Variants in ARAP2 observed in about 807,000 individuals in gnomAD.
ARAP2 encodes ArfGAP with RhoGAP domain, ankyrin repeat and PH domain 2.
A neutral mutation model predicts 194.5 loss-of-function variants in ARAP2; 148 were observed. The ratio of observed to expected loss-of-function variants is 0.76; its 90% CI spans 0.67 to 0.87. The LOEUF (loss-of-function observed/expected upper bound fraction) is 0.87, where lower values mean the gene tolerates loss of function less well. ARAP2 is among the 40% of genes least tolerant of loss of function. The pLI, the probability that ARAP2 is intolerant of heterozygous loss-of-function variation, is 0.00. For synonymous variants in ARAP2, 695 were observed against 683.5 expected, an observed-to-expected ratio of 1.02 and a Z score of -0.26; for missense variants, 2,128 against 1,989.7, an observed-to-expected ratio of 1.07 and a Z score of -1.32.
At chr4:36,210,096 G>A (rs1746406916) in intron 6 of ARAP2, among the ~76,000 whole-genome samples, 1 of 152,132 alleles carries the variant, frequency 6.6e-6, no homozygotes, top group South Asian at 2.1e-4. Flanking sequence ...ACACAGATTA[G>A]CACATTTTGA....
Position 36,105,635 on chromosome 4 carries a change from A to G in ARAP2, c.4285+1930T>C, listed in dbSNP as rs76017720. Among the ~76,000 whole-genome samples, 1,305 of 152,002 alleles carry G rather than the reference A, an allele frequency of 8.6e-3. 15 individuals carry two copies. Among genetic ancestry groups the G allele is most frequent in the African/African-American group, 0.03 (1,247 of 41,512 alleles). ...TACCATTTCTTCTTGCCCTTACACA[A>G]CAAAGGTTTTACCCAGATATGACTG... On this transcript the variant is annotated intron_variant, in intron 27 of 32. Transcript: ENST00000303965.
chr4:36,082,644 G>C (rs530382290), intron 29 of ARAP2, among the ~76,000 whole-genome samples: 2 of 152,206 alleles, frequency 1.3e-5, no homozygotes, highest in South Asian at 4.1e-4. Flanking sequence ...TTAAAACACA[G>C]GTATATGCTC....
chr4:36,221,204 G>T (rs1170201500), intron 2 of ARAP2, among the ~76,000 whole-genome samples: 2 of 151,934 alleles, frequency 1.3e-5, no homozygotes, highest in African/African-American at 4.8e-5. Flanking sequence ...GTGTGTAATA[G>T]GCTATACCAT....
At chr4:36,172,136 G>A (rs1010441681) in intron 9 of ARAP2, among the ~76,000 whole-genome samples, 5 of 152,182 alleles carry the variant, frequency 3.3e-5, no homozygotes, top group African/African-American at 4.8e-5. Context: ...GTGATAGAAC[G>A]TAGGTTGTCA....
At chr4:36,091,513 T>A (rs1335571793) in intron 28 of ARAP2, among the ~76,000 whole-genome samples, 1 of 152,208 alleles carries the variant, frequency 6.6e-6, no homozygotes, top group East Asian at 1.9e-4. Context: ...TTGGGTTTGG[T>A]CATTTTATTG....
At chr4:36,035,107 G>A (rs1187183058) in intron 5 of ARAP2, among the ~76,000 whole-genome samples, 1 of 152,050 alleles carries the variant, frequency 6.6e-6, no homozygotes, top group Admixed American at 6.6e-5. Flanking sequence ...CATAGAATGA[G>A]CTGGGGAGGA....
At chr4:36,201,784 G>A (rs933572523) in intron 6 of ARAP2, among the ~76,000 whole-genome samples, 1 of 151,732 alleles carries the variant, frequency 6.6e-6, no homozygotes. Flanking sequence ...ATTCCTAAGT[G>A]CCAGCAGAGT....
chr4:36,146,170 G>A (rs181090051), intron 19 of ARAP2, among the ~76,000 whole-genome samples: 1 of 152,014 alleles, frequency 6.6e-6, no homozygotes, highest in Admixed American at 6.6e-5. Context: ...TAATCCATCA[G>A]CAGATCCTGA....
chr4:36,034,428 G>C (rs182871550), intron 5 of ARAP2, among the ~76,000 whole-genome samples: 1 of 152,074 alleles, frequency 6.6e-6, no homozygotes, highest in African/African-American at 2.4e-5. Context: ...TTGCCTTCCT[G>C]ATTTGGCTCT....
At chr4:36,136,932 GCACA>G (rs10551786) in intron 19 of ARAP2, among the ~76,000 whole-genome samples, 71,574 of 149,176 alleles carry the variant, frequency 0.48, 17,422 homozygotes, top group East Asian at 0.65. Flanking sequence ...ACGCGCGCGC[GCACA>G]CACACACACA....
At chr4:36,080,109 T>C (rs1279430581) in intron 31 of ARAP2, 107 bp downstream of exon 31, 3 of 846,702 alleles carry the variant, frequency 3.5e-6, no homozygotes, top group Non-Finnish European at 5.5e-6. Flanking sequence ...CAATTGTACA[T>C]ACATTTAAAA....
intron 5 of ARAP2, among the ~76,000 whole-genome samples, chr4:36,026,469 T>A (rs1285472598): frequency 6.6e-6 from 1 of 152,192 alleles, no homozygotes; most frequent in East Asian, 1.9e-4. Flanking sequence ...GGGTGCTCAA[T>A]AAACATTGTT....
At chr4:36,201,693 A>AT (rs1222174741) in intron 6 of ARAP2, among the ~76,000 whole-genome samples, 5 of 152,200 alleles carry the variant, frequency 3.3e-5, no homozygotes, top group African/African-American at 1.2e-4. Flanking sequence ...CTTAAAAATT[A>AT]TTTTTTAACA....
intron 4 of ARAP2, chr4:36,046,638 GTT>G (rs1289028473): frequency 6.6e-6 from 1 of 152,216 alleles, no homozygotes; most frequent in Non-Finnish European, 1.5e-5. Flanking sequence ...ATCCCCAAAA[GTT>G]GTATGTAAGA....
At chr4:36,083,681 G>T (rs1730143256) in intron 28 of ARAP2, among the ~76,000 whole-genome samples, 3 of 152,044 alleles carry the variant, frequency 2.0e-5, no homozygotes, top group Admixed American at 2.0e-4. Context: ...TTATATACTT[G>T]TACACATGTA....
At chr4:36,065,322 C>A, downstream of ARAP2, 1 of 495,724 alleles carries the variant, frequency 2.0e-6, no homozygotes, top group South Asian at 1.5e-5. Context: ...AGCAGATGTC[C>A]CAAAGAGCTG....
chr4:36,137,547 T>C (rs71604015), intron 19 of ARAP2, among the ~76,000 whole-genome samples: 36,433 of 151,714 alleles, frequency 0.24, 5,085 homozygotes, highest in South Asian at 0.32. Context: ...TTTTGACTGA[T>C]CCCTTAAAGG....
chr4:36,100,230 C>T lies in ARAP2; in HGVS notation c.4285+7335G>A, dbSNP rs533663964. The stretch of plus-strand genomic sequence containing the variant: ...AATAATGTAAGTAAAGCATTTAGCC[C>T]AGCGCACATAGTAAATTCACAGTAA... On this transcript the variant is annotated intron_variant, in intron 27 of 32. Transcript: ENST00000303965. 2.6e-5 allele frequency among the ~76,000 whole-genome samples: 4 copies of T among 152,134 alleles called. No homozygotes were observed. The South Asian group carries it at 8.3e-4, about 32-fold the overall frequency.
intron 32 of ARAP2, 65 bp from the exon 33 acceptor site, chr4:36,068,343 C>T: frequency 2.0e-6 from 3 of 1,467,736 alleles, no homozygotes; most frequent in Non-Finnish European, 2.7e-6. Flanking sequence ...TTAGAAAGTG[C>T]AATCCACATA....
Sources: allele counts gnomAD v4.1 joint callset (sites outside exome capture counted in the v4.1 genomes callset), GRCh38; gene constraint gnomAD v4.1.1; transcripts MANE v1.5; gene names NCBI Gene and HGNC (gene_info 2026-07-23, HGNC 2026-07-21).